Variants in ERC1 observed in about 807,000 individuals in gnomAD.
ERC1 encodes RAB6 interacting protein 2.
ERC1 carries 56 observed loss-of-function variants against 132.0 expected under a neutral mutation model. The observed-to-expected ratio is 0.42, with a 90% CI of 0.34 to 0.53. The LOEUF is 0.53. Ranked by LOEUF, ERC1 falls within the 20% of genes least tolerant of loss-of-function variation. The probability of loss-of-function intolerance (pLI) is 0.03; values close to 1 mark genes in which losing one functional copy is unlikely to be tolerated. For synonymous variants in ERC1, 478 were observed against 476.1 expected (o/e 1.00, Z -0.05); for missense variants, 1,202 against 1,349.9 (o/e 0.89, Z 1.72).
Position 1,263,064 on chromosome 12 carries a change from G to C in ERC1, c.2518G>C (p.Glu840Gln). ...TCTCCGTAAGAAGGATGACAGGATT[G>C]AAGAGCTGGAAGAAGCACTAAGAGA... is the stretch of plus-strand genomic sequence containing the variant. ...DSLRKKDDRIEELEEALRESV... is the reference protein window; with the variant it reads ...DSLRKKDDRIQELEEALRESV... Residue 840 changes from glutamate (E) to glutamine (Q), a missense_variant, in exon 14 of 19, where the codon GAA (glutamate) becomes CAA (glutamine). Glu to Gln is a conservative substitution (Grantham distance 29). Transcript: ENST00000360905. 1 of 1,614,048 alleles carries C rather than the reference G, an allele frequency of 6.2e-7. No individual in the cohort carries two copies. The highest frequency in any genetic ancestry group is 8.5e-7 in the Non-Finnish European group (1 of 1,179,960).
At chr12:1,266,338 A>G (rs2077475070) in intron 14 of ERC1, among the ~76,000 whole-genome samples, 1 of 147,120 alleles carries the variant, frequency 6.8e-6, no homozygotes, top group African/African-American at 2.5e-5. Context: ...TACAACCTTC[A>G]TCTACTGTCC....
At chr12:1,137,674 AC>A (rs1246611381) in intron 7 of ERC1, among the ~76,000 whole-genome samples, 1 of 150,082 alleles carries the variant, frequency 6.7e-6, no homozygotes, top group Non-Finnish European at 1.5e-5. Flanking sequence ...ACATGGCGAA[AC>A]CCCGTCTCTA....
intron 13 of ERC1, among the ~76,000 whole-genome samples, chr12:1,247,484 T>G (rs2076225482): frequency 6.6e-6 from 1 of 152,200 alleles, no homozygotes; most frequent in Non-Finnish European, 1.5e-5. Flanking sequence ...AATAAAAGTT[T>G]TATTTAACAA....
intron 3 of ERC1, among the ~76,000 whole-genome samples, chr12:1,099,783 T>C (rs1164241432): frequency 6.7e-6 from 1 of 150,146 alleles, no homozygotes; most frequent in Non-Finnish European, 1.5e-5. Flanking sequence ...TATATTAGAG[T>C]CAAATCATAA....
intron 11 of ERC1, among the ~76,000 whole-genome samples, chr12:1,189,478 G>A (rs977125814): frequency 3.9e-5 from 6 of 152,144 alleles, no homozygotes; most frequent in African/African-American, 7.2e-5. Flanking sequence ...GCACTGGTCC[G>A]GCTATACGAT....
chr12:1,169,074 C>T (rs768653262), intron 8 of ERC1, among the ~76,000 whole-genome samples: 4 of 152,160 alleles, frequency 2.6e-5, no homozygotes, highest in Non-Finnish European at 4.4e-5. Flanking sequence ...ACACTGGTTT[C>T]TAGGTTTTAC....
chr12:1,455,650 A>C (rs2093516677), intron 18 of ERC1, among the ~76,000 whole-genome samples: 1 of 152,228 alleles, frequency 6.6e-6, no homozygotes, highest in South Asian at 2.1e-4. Context: ...ACATCTACTC[A>C]GGGAGTTGCG....
Position 1,093,712 on chromosome 12 carries a change from A to G in ERC1, c.1086+10132A>G, listed in dbSNP as rs1193408295. 3.3e-5 allele frequency among the ~76,000 whole-genome samples: 5 copies of G among 151,814 alleles called. No individual in the cohort carries two copies. In the East Asian group the frequency reaches 5.8e-4, roughly 18 times the overall value. On this transcript the variant is annotated intron_variant, in intron 3 of 18. Coordinates refer to ENST00000360905, the MANE Select transcript of ERC1 (RefSeq NM_178040.4). Reference sequence around the variant, plus strand: ...CAACTGCTATCGTGTTAGGTTTGCAAAAATCTTTGAGGTTAAAAGTGCTAA... The same window carrying G: ...CAACTGCTATCGTGTTAGGTTTGCAGAAATCTTTGAGGTTAAAAGTGCTAA...
chr12:1,236,920 G>T lies in ERC1; in HGVS notation c.2487+16G>T. On this transcript the variant is annotated intron_variant, in intron 13 of 18. Transcript: ENST00000360905. ...GCAGCTACAGGTTAGAACACAAGGA[G>T]AATCTGAAAGGATCGGGTGAAGACA... The T allele has an allele frequency of 6.2e-7, 1 of 1,613,398 alleles. No homozygotes were observed. Among genetic ancestry groups the T allele is most frequent in the South Asian group, 1.1e-5 (1 of 91,004 alleles).
intron 8 of ERC1, among the ~76,000 whole-genome samples, chr12:1,174,974 T>C (rs1953529057): frequency 6.6e-6 from 1 of 152,216 alleles, no homozygotes; most frequent in Non-Finnish European, 1.5e-5. Flanking sequence ...CACACAAATT[T>C]TTTGGCTTCC....
chr12:1,232,646 T>A (rs970817839), intron 12 of ERC1, among the ~76,000 whole-genome samples: 2 of 152,188 alleles, frequency 1.3e-5, no homozygotes, highest in Non-Finnish European at 2.9e-5. Context: ...GATTTCTGTT[T>A]GGTTCTTTAG....
intron 17 of ERC1, among the ~76,000 whole-genome samples, chr12:1,416,419 G>A (rs754331766): frequency 2.6e-5 from 4 of 152,132 alleles, no homozygotes; most frequent in Non-Finnish European, 5.9e-5. Context: ...GATGTGTAGG[G>A]GCTGGTGAGG....
chr12:1,069,056 C>T (rs767128985), intron 2 of ERC1, among the ~76,000 whole-genome samples: 2 of 152,134 alleles, frequency 1.3e-5, no homozygotes, highest in Non-Finnish European at 2.9e-5. Context: ...TTTCTCCTGT[C>T]TCAGAATGAA....
chr12:1,349,060 T>C (rs1030082837), intron 15 of ERC1, among the ~76,000 whole-genome samples: 3 of 152,214 alleles, frequency 2.0e-5, no homozygotes, highest in Non-Finnish European at 4.4e-5. Context: ...AATGTAGTAA[T>C]GCACTGTGTC....
chr12:1,053,753 A>G (rs535798764), intron 2 of ERC1, among the ~76,000 whole-genome samples: 12 of 152,272 alleles, frequency 7.9e-5, no homozygotes, highest in South Asian at 2.1e-4. Flanking sequence ...AGTCCTTCCC[A>G]TGTTTCCTTT....
chr12:1,017,002 T>G (rs542070566), intron 1 of ERC1, among the ~76,000 whole-genome samples: 126 of 151,856 alleles, frequency 8.3e-4, no homozygotes, highest in Non-Finnish European at 1.5e-3. Context: ...ATATTTTTAT[T>G]TATTATTTTT....
intron 15 of ERC1, among the ~76,000 whole-genome samples, chr12:1,362,751 T>C (rs1443954749): frequency 1.3e-5 from 2 of 152,172 alleles, no homozygotes; most frequent in African/African-American, 4.8e-5. Flanking sequence ...GTAGAGTTTC[T>C]TTTCAGGAAA....
intron 14 of ERC1, among the ~76,000 whole-genome samples, chr12:1,280,056 C>G (rs1435963313): frequency 2.0e-5 from 3 of 152,136 alleles, no homozygotes; most frequent in Non-Finnish European, 2.9e-5. Flanking sequence ...GCAGGAAGCA[C>G]TCTTGGAGTC....
intron 15 of ERC1, among the ~76,000 whole-genome samples, chr12:1,341,459 A>G (rs1460241795): frequency 1.3e-5 from 2 of 152,110 alleles, no homozygotes; most frequent in South Asian, 2.1e-4. Context: ...TGGCACATAT[A>G]CATCATGGAA....
Sources: allele counts gnomAD v4.1 joint callset (sites outside exome capture counted in the v4.1 genomes callset), GRCh38; gene constraint gnomAD v4.1.1; transcripts MANE v1.5; gene names NCBI Gene and HGNC (gene_info 2026-07-23, HGNC 2026-07-21).